Variants in NUP210 observed in about 807,000 individuals in gnomAD.
NUP210 encodes nuclear pore membrane glycoprotein 210.
A neutral mutation model predicts 196.0 loss-of-function variants in NUP210; 151 were observed. The ratio of observed to expected loss-of-function variants is 0.77; its 90% CI spans 0.67 to 0.88. The LOEUF is 0.88. Ranked by LOEUF, NUP210 falls within the 40% of genes least tolerant of loss-of-function variation. NUP210 has a pLI of 0.00. For missense variants in NUP210, 2,314 were observed against 2,493.7 expected, an observed-to-expected ratio of 0.93 and a Z score of 1.53; for synonymous variants, 1,070 against 1,052.7, an observed-to-expected ratio of 1.02 and a Z score of -0.32.
At chr3:13,403,960 T>TC (rs1312536709) in intron 1 of NUP210, among the ~76,000 whole-genome samples, 2 of 152,118 alleles carry the variant, frequency 1.3e-5, no homozygotes, top group Non-Finnish European at 2.9e-5. Flanking sequence ...CCTCTGCAGA[T>TC]CCCCGCTCCC....
Position 13,376,426 on chromosome 3 carries a change from G to C in NUP210, c.1158C>G (p.Ile386Met). The C allele has an allele frequency of 6.2e-7, 1 of 1,614,232 alleles. No individual in the cohort carries two copies. Among genetic ancestry groups the C allele is most frequent in the Non-Finnish European group, 8.5e-7 (1 of 1,180,040 alleles). ...CAGCAGGAAGCACAGTTTCAATTCG[G>C]ATGTTCTGGAAGGTGAGGCAGGACA... ...FSNKVYVSDN[I>M]RIETVLPAEF... is the part of the protein sequence containing the mutation. Residue 386 changes from isoleucine to methionine, a missense_variant, in exon 10 of 40, where the codon ATC becomes ATG. Physicochemically the swap from Ile to Met is conservative, Grantham distance 10. Transcript: ENST00000254508.
intron 20 of NUP210, among the ~76,000 whole-genome samples, chr3:13,349,025 T>C (rs1339324520): frequency 6.6e-6 from 1 of 152,258 alleles, no homozygotes; most frequent in Non-Finnish European, 1.5e-5. Context: ...GAGGTGCCAG[T>C]TCTGCAGGAC....
intron 28 of NUP210, among the ~76,000 whole-genome samples, 171 bp downstream of exon 28, chr3:13,335,283 C>T (rs1406251993): frequency 1.3e-5 from 2 of 152,186 alleles, no homozygotes; most frequent in Non-Finnish European, 2.9e-5. Context: ...TCCCATAGCA[C>T]CAATCACACC....
chr3:13,352,176 AG>A lies in NUP210; in HGVS notation c.2636del (p.Pro879LeufsTer9), dbSNP rs757860526. 6.2e-7 allele frequency: 1 copy of A among 1,612,804 alleles called. No individual in the cohort carries two copies. The highest frequency in any genetic ancestry group is 8.5e-7 in the Non-Finnish European group (1 of 1,179,360). On this transcript the variant is annotated frameshift_variant, in exon 19 of 40. Coordinates refer to ENST00000254508, the MANE Select transcript of NUP210 (RefSeq NM_024923.4). LOFTEE classifies it high-confidence loss of function. ...CTATGGAGGCCGACAGAGGCACCAG[AG>A]GGTCATGCTGAAGGACAAGGGCAAG... is the stretch of plus-strand genomic sequence containing the variant. ...SSARTKQPHDPLVPLSASIEL... is the reference protein window; with the variant it reads ...SSARTKQPHDXLVPLSASIEL...
At position 13,327,279 on chromosome 3, in the gene NUP210, A is replaced by G; in HGVS notation, c.4445T>C (p.Leu1482Pro). The G allele has an allele frequency of 1.2e-6, 2 of 1,613,490 alleles. No homozygotes were observed. Among genetic ancestry groups the G allele is most frequent in the Non-Finnish European group, 1.7e-6 (2 of 1,180,004 alleles). The change falls in exon 32 of 40, where the codon CTG becomes CCG. Residue 1482 changes from leucine (L) to proline (P), a missense_variant. Transcript: ENST00000254508. ...GTCCCCCACCACCATGGCCCCAGAC[A>G]GCTCTGGGGAGATGGCCTGTAGGAC... ...LPVLQAISPE[L>P]SGAMVVGDVL...
At chr3:13,373,965 TA>T in intron 11 of NUP210, 92 bp from the exon 12 acceptor site, 3 of 1,405,212 alleles carry the variant, frequency 2.1e-6, no homozygotes, top group African/African-American at 1.4e-5. Flanking sequence ...TGCATGCACG[TA>T]CTCACACTCA....
chr3:13,392,750 T>C (rs769665555), intron 3 of NUP210, among the ~76,000 whole-genome samples: 2 of 152,200 alleles, frequency 1.3e-5, no homozygotes, highest in Non-Finnish European at 2.9e-5. Context: ...ACAGGGTGCA[T>C]ATGGAGTACT....
At chr3:13,377,881 T>C (rs1273960426) in intron 8 of NUP210, among the ~76,000 whole-genome samples, 119 of 49,808 alleles carry the variant, frequency 2.4e-3, no homozygotes, top group African/African-American at 3.8e-3. Context: ...CCACACCACT[T>C]ACCTGGAGGC....
Position 13,343,272 on chromosome 3 carries a change from A to C in NUP210, c.2867T>G (p.Ile956Ser). ...VHPLLPGSSTIMIHDLCLVFP... is the reference protein window; with the variant it reads ...VHPLLPGSSTSMIHDLCLVFP... ...GACGAGGCACAAGTCATGGATCATGATGGTGGATGAGCCCGGGAGCAAAGG... is the reference window on the plus strand; with the variant it reads ...GACGAGGCACAAGTCATGGATCATGCTGGTGGATGAGCCCGGGAGCAAAGG... The change falls in exon 21 of 40, where the codon ATC becomes AGC. Residue 956 changes from isoleucine (I) to serine (S), a missense_variant. Coordinates refer to ENST00000254508, the MANE Select transcript of NUP210 (RefSeq NM_024923.4). 2 of 1,356,246 alleles carry C rather than the reference A, an allele frequency of 1.5e-6. No homozygotes were observed. Among genetic ancestry groups the C allele is most frequent in the Non-Finnish European group, 2.0e-6 (2 of 1,024,030 alleles). The allele number at this position is 1,356,246 out of a possible 1,614,324, so 84.0% of individuals were successfully genotyped here. A position where few individuals can be genotyped will look rare whatever the true frequency, so the allele number is the denominator to read the frequency against.
chr3:13,418,006 T>G (rs906461036), intron 1 of NUP210, among the ~76,000 whole-genome samples: 2 of 152,218 alleles, frequency 1.3e-5, no homozygotes, highest in Admixed American at 6.5e-5. Context: ...TCCAAAGGGA[T>G]TCACTTGAAG....
intron 17 of NUP210, 118 bp from the exon 18 acceptor site, chr3:13,353,778 G>T: frequency 8.2e-7 from 1 of 1,225,306 alleles, no homozygotes; most frequent in East Asian, 2.4e-5. Flanking sequence ...TGTGTGTGTT[G>T]AAACTATGTG....
At chr3:13,353,455 A>G in intron 18 of NUP210, 99 bp downstream of exon 18, 1 of 995,058 alleles carries the variant, frequency 1.0e-6, no homozygotes, top group Non-Finnish European at 1.6e-6. Context: ...TCAAGCAGAC[A>G]GTGACTCAGG....
chr3:13,371,929 G>T lies in NUP210; in HGVS notation c.1691C>A (p.Pro564His). 1 of 1,608,122 alleles carries T rather than the reference G, an allele frequency of 6.2e-7. No homozygotes were observed. ...GGTGACCACCTCACTGGCCCCGCCGGGCATGAGGCCACTGATCCTCAGGGG... is the reference window on the plus strand; with the variant it reads ...GGTGACCACCTCACTGGCCCCGCCGTGCATGAGGCCACTGATCCTCAGGGG... ...ELPLRISGLM[P>H]GGASEVVTLS... The change falls in exon 13 of 40, where the codon CCC becomes CAC. Residue 564 changes from proline to histidine, a missense_variant. Pro to His is a moderately conservative substitution (Grantham distance 77). Coordinates refer to ENST00000254508, the MANE Select transcript of NUP210 (RefSeq NM_024923.4).
chr3:13,360,381 G>A lies in NUP210; in HGVS notation c.2043C>T (p.Asn681=), dbSNP rs746149871. 27 of 1,614,050 alleles carry A rather than the reference G, an allele frequency of 1.7e-5. No individual in the cohort carries two copies. Among genetic ancestry groups the A allele is most frequent in the Admixed American group, 1.0e-4 (6 of 60,012 alleles). ...TGCTGTCAGTGTCCTCAGCGGTGAC[G>A]TTCTGGAAGAATTTGGACGGCTCGA... ...WILEPSKFFQ[N]VTAEDTDSIG... is the part of the protein sequence containing the mutation. The change falls in exon 15 of 40, where the codon AAC becomes AAT. Residue 681 remains asparagine (N), a synonymous_variant. Transcript: ENST00000254508.
intron 1 of NUP210, among the ~76,000 whole-genome samples, chr3:13,400,449 G>A (rs1699797697): frequency 6.6e-6 from 1 of 152,198 alleles, no homozygotes; most frequent in Non-Finnish European, 1.5e-5. Context: ...CCACAAATGA[G>A]CCCAGACGTC....
chr3:13,330,962 T>C (rs1576349742), intron 29 of NUP210, among the ~76,000 whole-genome samples: 2 of 152,182 alleles, frequency 1.3e-5, no homozygotes, highest in Admixed American at 1.3e-4. Flanking sequence ...GGACATCTAC[T>C]GTAAAATATC....
chr3:13,387,762 C>T lies in NUP210; in HGVS notation c.684+541G>A, dbSNP rs554569406. Among the ~76,000 whole-genome samples, 177 of 152,318 alleles carry T rather than the reference C, an allele frequency of 1.2e-3. 3 individuals carry two copies. Among genetic ancestry groups the T allele is most frequent in the Non-Finnish European group, 5.6e-4 (38 of 68,036 alleles). The stretch of plus-strand genomic sequence containing the variant: ...TTGGATAGACCCACTCCTCACTCTC[C>T]TTTCCTCTGGCATACCCCCACTACC... On this transcript the variant is annotated intron_variant, in intron 5 of 39. Coordinates refer to ENST00000254508, the MANE Select transcript of NUP210 (RefSeq NM_024923.4).
chr3:13,342,208 C>T (rs1697539456), intron 21 of NUP210, 85 bp from the exon 22 acceptor site: 1 of 1,521,980 alleles, frequency 6.6e-7, no homozygotes, highest in Admixed American at 1.8e-5. Context: ...TCTGAGATAG[C>T]ATCACTAACC....
intron 1 of NUP210, among the ~76,000 whole-genome samples, chr3:13,408,891 G>C (rs1426265409): frequency 1.3e-5 from 2 of 152,038 alleles, no homozygotes; most frequent in Non-Finnish European, 2.9e-5. Flanking sequence ...AGTGTTTTCA[G>C]GGCATCCCAA....
Sources: gnomAD v4.1 joint callset for allele counts (sites outside exome capture counted in the v4.1 genomes callset) on GRCh38, gnomAD v4.1.1 for gene constraint, MANE v1.5 for transcripts, NCBI Gene and HGNC (gene_info 2026-07-23, HGNC 2026-07-21) for gene names.